The following AMZ1 variants were observed in gnomAD, a reference collection of about 807,000 sequenced individuals.
AMZ1 encodes archaelysin family metallopeptidase 1.
A neutral mutation model predicts 29.9 loss-of-function variants in AMZ1; 39 were observed. The observed-to-expected ratio is 1.30, with a 90% CI of 1.01 to 1.70. AMZ1 has a LOEUF of 1.70. AMZ1 is among the 40% of genes most tolerant of loss of function. The probability of loss-of-function intolerance (pLI) is 0.00; values close to 1 mark genes in which losing one functional copy is unlikely to be tolerated. For synonymous variants in AMZ1, 458 were observed against 304.0 expected, an observed-to-expected ratio of 1.51 and a Z score of -5.27; for missense variants, 1,041 against 680.6, an observed-to-expected ratio of 1.53 and a Z score of -5.89.
At chr7:2,719,960 C>T (rs1004364389), downstream of AMZ1, among the ~76,000 whole-genome samples, 60 of 152,168 alleles carry the variant, frequency 3.9e-4, no homozygotes, top group African/African-American at 1.2e-3. Context: ...GGATTACAGG[C>T]GTCAGCCACC....
chr7:2,702,818 C>A lies in AMZ1; in HGVS notation c.401C>A (p.Ser134Ter). 1 of 1,557,380 alleles carries A rather than the reference C, an allele frequency of 6.4e-7. No homozygotes were observed. The highest frequency in any genetic ancestry group is 8.7e-7 in the Non-Finnish European group (1 of 1,155,764). ...GGCCTGCGCGTCAAGTGCCTGCCGT[C>A]GGTGGCAGCCGCGTCCATCCGCTGC... is the stretch of plus-strand genomic sequence containing the variant. The part of the protein sequence containing the change: ...FLGLRVKCLP[S>*]VAAASIRCSS... Residue 134 changes from serine to a stop codon, truncating the protein, a stop_gained, in exon 3 of 7, where the codon TCG (serine) becomes TAG (stop). Coordinates refer to ENST00000683327, the MANE Select transcript of AMZ1 (RefSeq NM_001384743.1). LOFTEE classifies it high-confidence loss of function.
At chr7:2,688,354 C>T (rs1002535934) in intron 1 of AMZ1, 58 bp downstream of exon 1, 54 of 143,374 alleles carry the variant, frequency 3.8e-4, no homozygotes, top group African/African-American at 1.3e-3. Flanking sequence ...ACCTCCGTGC[C>T]GGGGCGGGTG....
chr7:2,762,536 G>T, upstream of AMZ1: 2 of 1,213,258 alleles, frequency 1.6e-6, no homozygotes, highest in Non-Finnish European at 2.2e-6. Flanking sequence ...GTTCCACCAC[G>T]CCTTCTATTC....
intron 2 of AMZ1, 29 bp from the exon 3 acceptor site, chr7:2,702,693 C>T (rs1583162952): frequency 1.3e-6 from 2 of 1,505,928 alleles, no homozygotes; most frequent in East Asian, 2.5e-5. Flanking sequence ...AGGGGCGTCG[C>T]AGGGCTGACG....
upstream of AMZ1, chr7:2,762,921 G>A (rs908455616): frequency 2.8e-5 from 39 of 1,409,948 alleles, no homozygotes; most frequent in African/African-American, 4.4e-5. Flanking sequence ...GGCCACAGGC[G>A]GGGACGCCCC....
In AMZ1 at chr7:2,691,472, G is replaced by A. The variant is rs1268211945; in HGVS notation, c.-219+3176G>A. On this transcript the variant is annotated intron_variant, in intron 1 of 6. Coordinates refer to ENST00000683327, the MANE Select transcript of AMZ1 (RefSeq NM_001384743.1). Reference sequence around the variant, plus strand: ...AGAAAGTGATTTTGGGCCGGGCGCGGTGGCTCACACATATAATCCCAGCAC... The same window carrying A: ...AGAAAGTGATTTTGGGCCGGGCGCGATGGCTCACACATATAATCCCAGCAC... 2.0e-5 allele frequency among the ~76,000 whole-genome samples: 3 copies of A among 148,968 alleles called. No homozygotes were observed. The East Asian group carries it at 5.8e-4, about 29-fold the overall frequency.
chr7:2,683,406 C>A (rs1323143077), upstream of AMZ1, among the ~76,000 whole-genome samples: 1 of 152,050 alleles, frequency 6.6e-6, no homozygotes, highest in Non-Finnish European at 1.5e-5. Flanking sequence ...TCTGTGTCTT[C>A]AACTTTCTGT....
chr7:2,696,319 C>CAG (rs1562360819), intron 1 of AMZ1, among the ~76,000 whole-genome samples: 5 of 143,340 alleles, frequency 3.5e-5, no homozygotes, highest in African/African-American at 1.3e-4. Flanking sequence ...TGCAGTGGTG[C>CAG]GATCTTGGCT....
rs138304463 is a variant in AMZ1, at chr7:2,708,716, G to T, written c.601G>T (p.Glu201Ter). Residue 201 changes from glutamate to a stop codon, truncating the protein, a stop_gained and splice_region_variant, in exon 4 of 7, where the codon GAA becomes TAA. Coordinates refer to ENST00000683327, the MANE Select transcript of AMZ1 (RefSeq NM_001384743.1). LOFTEE classifies it high-confidence loss of function. ...FTFSKFLPGH[E>*]VGVCSFARFS... ...CTTCAGCAAGTTCCTTCCAGGGCACGGTGAGCCGGGGCCCCAGCAGCTGTG... is the reference window on the plus strand; with the variant it reads ...CTTCAGCAAGTTCCTTCCAGGGCACTGTGAGCCGGGGCCCCAGCAGCTGTG... 7.4e-6 allele frequency: 12 copies of T among 1,612,428 alleles called. No homozygotes were observed. Among genetic ancestry groups the T allele is most frequent in the South Asian group, 6.6e-5 (6 of 91,058 alleles).
intron 4 of AMZ1, among the ~76,000 whole-genome samples, chr7:2,759,329 C>T (rs1791450905): frequency 6.6e-6 from 1 of 152,164 alleles, no homozygotes; most frequent in Non-Finnish European, 1.5e-5. Flanking sequence ...AGAACTCACA[C>T]CTACCTTGCA....
Position 2,712,717 on chromosome 7 carries a change from C to T in AMZ1, c.1336C>T (p.Gln446Ter), listed in dbSNP as rs745595842. The T allele has an allele frequency of 8.7e-6, 14 of 1,609,272 alleles. 1 individual carries two copies. The highest frequency in any genetic ancestry group is 7.7e-5 in the South Asian group (7 of 90,428). Residue 446 changes from glutamine (Q) to a stop codon, truncating the protein, a stop_gained, in exon 7 of 7, where the codon CAG (glutamine) becomes TAG (stop). Transcript: ENST00000683327. LOFTEE classifies it low-confidence loss of function (END_TRUNC). Reference sequence around the variant, plus strand: ...CGACCGCTGGGAGATGTTCACGGGCCAGCTCCCGGCCACCAGGCAGGACCC... The same window carrying T: ...CGACCGCTGGGAGATGTTCACGGGCTAGCTCCCGGCCACCAGGCAGGACCC... Reference protein sequence around the residue: ...ALDRWEMFTGQLPATRQDPPS... With the variant: ...ALDRWEMFTG
chr7:2,683,701 G>C (rs1188855573), upstream of AMZ1, among the ~76,000 whole-genome samples: 1 of 152,096 alleles, frequency 6.6e-6, no homozygotes, highest in Non-Finnish European at 1.5e-5. Flanking sequence ...GCCTCCCAAA[G>C]TGCTGGGATT....
At chr7:2,725,827 T>C (rs978034183) in intron 4 of AMZ1, among the ~76,000 whole-genome samples, 1 of 152,244 alleles carries the variant, frequency 6.6e-6, no homozygotes, top group Admixed American at 6.5e-5. Flanking sequence ...ATCACGAGAT[T>C]GAAAGGCTGA....
In AMZ1 at chr7:2,693,246, G is replaced by A. The variant is rs952018293; in HGVS notation, c.-219+4950G>A. Among the ~76,000 whole-genome samples, 56 of 152,032 alleles carry A rather than the reference G, an allele frequency of 3.7e-4. 1 individual carries two copies. The highest frequency in any genetic ancestry group is 1.2e-3 in the African/African-American group (50 of 41,458). ...TGGGATTACAGGCATGCGCCACCAC[G>A]CCCAGCTAATATTGTATTTTTAGGA... On this transcript the variant is annotated intron_variant, in intron 1 of 6. Coordinates refer to ENST00000683327, the MANE Select transcript of AMZ1 (RefSeq NM_001384743.1).
At chr7:2,695,584 A>C (rs532885342) in intron 1 of AMZ1, among the ~76,000 whole-genome samples, 2 of 150,714 alleles carry the variant, frequency 1.3e-5, no homozygotes, top group Admixed American at 6.6e-5. Flanking sequence ...GTGTTGGTAC[A>C]TGTCCGTAGT....
chr7:2,706,131 C>T (rs1381842952), intron 3 of AMZ1, among the ~76,000 whole-genome samples: 6 of 152,230 alleles, frequency 3.9e-5, no homozygotes, highest in Admixed American at 2.6e-4. Flanking sequence ...GCAGGTGGAA[C>T]TCAGAGGGTA....
At chr7:2,707,356 GAA>G (rs1788419766) in intron 3 of AMZ1, among the ~76,000 whole-genome samples, 1 of 151,752 alleles carries the variant, frequency 6.6e-6, no homozygotes, top group South Asian at 2.1e-4. Flanking sequence ...GAACTCCTTG[GAA>G]AACACTTCTC....
chr7:2,708,975 C>T, intron 4 of AMZ1, 100 bp from the exon 5 acceptor site: 1 of 1,411,322 alleles, frequency 7.1e-7, no homozygotes, highest in Non-Finnish European at 9.5e-7. Flanking sequence ...TGTCTTTGGG[C>T]CATGGCCAGC....
chr7:2,696,821 G>T (rs1382634676), intron 1 of AMZ1, among the ~76,000 whole-genome samples: 1 of 152,118 alleles, frequency 6.6e-6, no homozygotes, highest in East Asian at 2.0e-4. Context: ...AGAAAGTGGA[G>T]GTTGCAGTGA....
Sources: allele counts gnomAD v4.1 joint callset (sites outside exome capture counted in the v4.1 genomes callset), GRCh38; gene constraint gnomAD v4.1.1; transcripts MANE v1.5; gene names NCBI Gene and HGNC (gene_info 2026-07-23, HGNC 2026-07-21).